MEF2C: variants seen among roughly 807,000 people sequenced by gnomAD.
MEF2C encodes the protein myocyte enhancer factor 2C, also known as myocyte-specific enhancer factor 2C.
Under a neutral mutation model 50.5 loss-of-function variants are expected in MEF2C, and 6 were observed. That is an observed-to-expected ratio of 0.12 (90% CI 0.07 to 0.23). The LOEUF is 0.23. Among genes scored for constraint, MEF2C ranks in the 10% least tolerant of loss-of-function variants. The probability of loss-of-function intolerance (pLI) is 1.00; values close to 1 mark genes in which losing one functional copy is unlikely to be tolerated. For missense variants in MEF2C, 276 were observed against 605.0 expected (o/e 0.46, Z 5.70); for synonymous variants, 183 against 228.0 (o/e 0.80, Z 1.78).
intron 3 of MEF2C, among the ~76,000 whole-genome samples, chr5:88,778,103 T>C (rs1399382057): frequency 6.6e-6 from 1 of 151,446 alleles, no homozygotes; most frequent in East Asian, 1.9e-4. Context: ...AGAGACGGGG[T>C]TTCACCGTGT....
At chr5:88,818,990 T>C (rs190813847) in intron 2 of MEF2C, among the ~76,000 whole-genome samples, 2 of 152,098 alleles carry the variant, frequency 1.3e-5, no homozygotes, top group Admixed American at 1.3e-4. Flanking sequence ...ATTTATTGCT[T>C]CATTTAATTG....
At chr5:88,753,736 T>C (rs1024393696) in intron 4 of MEF2C, among the ~76,000 whole-genome samples, 7 of 152,150 alleles carry the variant, frequency 4.6e-5, no homozygotes, top group African/African-American at 7.2e-5. Flanking sequence ...TCAAGTGATA[T>C]AAGTAATATG....
intron 1 of MEF2C, among the ~76,000 whole-genome samples, chr5:88,893,256 G>T (rs1834778325): frequency 6.6e-6 from 1 of 151,994 alleles, no homozygotes; most frequent in Admixed American, 6.6e-5. Context: ...AAGGAAAAGA[G>T]CTACCGCATG....
At chr5:88,852,195 T>A (rs1477379638) in intron 1 of MEF2C, among the ~76,000 whole-genome samples, 1 of 152,208 alleles carries the variant, frequency 6.6e-6, no homozygotes, top group African/African-American at 2.4e-5. Flanking sequence ...AGATTTATAA[T>A]ATTAAAAAAC....
chr5:88,758,744 CTG>C (rs763360788), intron 4 of MEF2C, among the ~76,000 whole-genome samples: 9 of 152,158 alleles, frequency 5.9e-5, no homozygotes, highest in Non-Finnish European at 8.8e-5. Flanking sequence ...GATGGAGACT[CTG>C]TGGCATAGCT....
At chr5:88,896,944 TACAC>T (rs58754057) in intron 1 of MEF2C, among the ~76,000 whole-genome samples, 6,700 of 150,578 alleles carry the variant, frequency 0.044, 161 homozygotes, top group Non-Finnish European at 0.051. Flanking sequence ...TCAGTAAAGC[TACAC>T]ACACACACAC....
intron 4 of MEF2C, among the ~76,000 whole-genome samples, chr5:88,754,634 T>C (rs1355540120): frequency 6.6e-6 from 1 of 152,198 alleles, no homozygotes; most frequent in Non-Finnish European, 1.5e-5. Context: ...ACTATTACAC[T>C]GGCTCAAGCA....
chr5:88,759,156 T>C (rs573795311), intron 4 of MEF2C, among the ~76,000 whole-genome samples: 21 of 152,330 alleles, frequency 1.4e-4, no homozygotes, highest in African/African-American at 5.1e-4. Context: ...ATGTATTATA[T>C]AGCAAGATAA....
At chr5:88,782,507 C>G (rs1221241983) in intron 3 of MEF2C, among the ~76,000 whole-genome samples, 1 of 151,412 alleles carries the variant, frequency 6.6e-6, no homozygotes, top group Non-Finnish European at 1.5e-5. Context: ...AAACAACAAA[C>G]GCAACAAAAA....
At chr5:88,892,573 T>G (rs1834707796) in intron 1 of MEF2C, among the ~76,000 whole-genome samples, 1 of 152,236 alleles carries the variant, frequency 6.6e-6, no homozygotes, top group Admixed American at 6.5e-5. Context: ...GGATGAGATT[T>G]ACCTTGGAAG....
At chr5:88,862,977 A>G (rs887056041) in intron 1 of MEF2C, among the ~76,000 whole-genome samples, 5 of 152,202 alleles carry the variant, frequency 3.3e-5, no homozygotes, top group Admixed American at 3.3e-4. Flanking sequence ...ATGAGAAAGC[A>G]AAGTTGAGAA....
chr5:88,800,059 C>T (rs1440830293), intron 3 of MEF2C, among the ~76,000 whole-genome samples: 1 of 152,160 alleles, frequency 6.6e-6, no homozygotes, highest in African/African-American at 2.4e-5. Context: ...GTGTTTTATT[C>T]CCCTTCCACA....
upstream of MEF2C, chr5:88,884,461 G>A (rs1273482336): frequency 6.6e-6 from 1 of 152,170 alleles, no homozygotes; most frequent in Admixed American, 6.5e-5. Flanking sequence ...TCTAATGTTA[G>A]TAATGTACGA....
At chr5:88,848,836 T>C (rs758960876) in intron 1 of MEF2C, among the ~76,000 whole-genome samples, 3 of 152,132 alleles carry the variant, frequency 2.0e-5, no homozygotes, top group Admixed American at 6.5e-5. Context: ...GATTCTTCAA[T>C]ATTGGAAAAT....
intron 1 of MEF2C, among the ~76,000 whole-genome samples, chr5:88,854,727 T>A (rs1224227842): frequency 2.0e-5 from 3 of 152,160 alleles, no homozygotes; most frequent in Admixed American, 1.3e-4. Context: ...GAGTTTACAA[T>A]CTAACTTGGG....
At chr5:88,870,582 G>T (rs1217065625) in intron 1 of MEF2C, among the ~76,000 whole-genome samples, 1 of 152,048 alleles carries the variant, frequency 6.6e-6, no homozygotes, top group African/African-American at 2.4e-5. Context: ...AACTTTAATT[G>T]AAACATTCTT....
chr5:88,792,663 T>C (rs1477653259), intron 3 of MEF2C, among the ~76,000 whole-genome samples: 1 of 152,232 alleles, frequency 6.6e-6, no homozygotes, highest in Non-Finnish European at 1.5e-5. Context: ...TAGCCACACA[T>C]GACTACTGAA....
intron 3 of MEF2C, chr5:88,766,686 T>C (rs1170000299): frequency 1.0e-6 from 1 of 985,278 alleles, no homozygotes; most frequent in Non-Finnish European, 1.2e-6. Flanking sequence ...AACCCCCAAA[T>C]TACTCCTATT....
At position 88,832,692 on chromosome 5, in the gene MEF2C, T is replaced by G. The variant is rs540406969; in HGVS notation, c.-142-8762A>C. Among the ~76,000 whole-genome samples, 13 of 152,280 alleles carry G rather than the reference T, an allele frequency of 8.5e-5. 1 individual carries two copies. The highest frequency in any genetic ancestry group is 8.3e-4 in the South Asian group (4 of 4,824). On this transcript the variant is annotated intron_variant, in intron 1 of 10. Coordinates refer to ENST00000504921, the MANE Select transcript of MEF2C (RefSeq NM_002397.5). Reference sequence around the variant, plus strand: ...TTAGATTTTGAACAACTGCAGCAGTTTACCTAGAATATTTTGATGTCAAAG... The same window carrying G: ...TTAGATTTTGAACAACTGCAGCAGTGTACCTAGAATATTTTGATGTCAAAG...
Sources: allele counts gnomAD v4.1 joint callset (sites outside exome capture counted in the v4.1 genomes callset), GRCh38; gene constraint gnomAD v4.1.1; transcripts MANE v1.5; gene names NCBI Gene and HGNC (gene_info 2026-07-23, HGNC 2026-07-21).